UTRN: variants seen among roughly 807,000 people sequenced by gnomAD.
UTRN encodes the protein utrophin, also known as dystrophin-related protein 1.
Under a neutral mutation model 463.9 loss-of-function variants are expected in UTRN, and 283 were observed. The ratio of observed to expected loss-of-function variants is 0.61; its 90% CI spans 0.55 to 0.67. The LOEUF (loss-of-function observed/expected upper bound fraction) is 0.67, where lower values mean the gene tolerates loss of function less well. Among genes scored for constraint, UTRN ranks in the 30% least tolerant of loss-of-function variants. The pLI, the probability that UTRN is intolerant of heterozygous loss-of-function variation, is 0.00. For missense variants in UTRN, 3,922 were observed against 4,084.3 expected (o/e 0.96, Z 1.08); for synonymous variants, 1,442 against 1,431.5 (o/e 1.01, Z -0.17).
intron 2 of UTRN, among the ~76,000 whole-genome samples, chr6:144,396,469 T>C (rs1221831983): frequency 6.6e-6 from 1 of 152,224 alleles, no homozygotes; most frequent in Non-Finnish European, 1.5e-5. Context: ...TATAACACTG[T>C]AGGTGTAACT....
chr6:144,650,941 C>A (rs1283708344), intron 51 of UTRN, among the ~76,000 whole-genome samples: 1 of 151,774 alleles, frequency 6.6e-6, no homozygotes. Context: ...AATTACTGGT[C>A]ATTGATAAAT....
At chr6:144,448,569 A>G in intron 16 of UTRN, 31 bp from the exon 17 acceptor site, 1 of 1,606,298 alleles carries the variant, frequency 6.2e-7, no homozygotes, top group Non-Finnish European at 8.5e-7. Context: ...GCTGTTATAA[A>G]CATTGAAATT....
intron 2 of UTRN, among the ~76,000 whole-genome samples, chr6:144,346,922 G>A (rs893558609): frequency 1.8e-4 from 26 of 144,706 alleles, no homozygotes; most frequent in African/African-American, 7.1e-4. Flanking sequence ...TCTATCTATC[G>A]ATCTCTATCT....
intron 1 of UTRN, among the ~76,000 whole-genome samples, chr6:144,290,215 T>C (rs1804090271): frequency 6.6e-6 from 1 of 152,238 alleles, no homozygotes; most frequent in South Asian, 2.1e-4. Context: ...GATACAATAA[T>C]ATTGTCTAAT....
rs375425247 is a variant in UTRN, at chr6:144,551,024, A to G, written c.6870A>G (p.Ala2290=). Residue 2290 remains alanine, a synonymous_variant, in exon 48 of 75, where the codon GCA becomes GCG. Transcript: ENST00000367545. ...AGCTGGATTATGTTTTTACATTGGC[A>G]CAGAATTTGAAAAATAAAGCTTCCA... is the stretch of plus-strand genomic sequence containing the variant. ...HPQLDYVFTL[A]QNLKNKASSS... 6.8e-6 allele frequency: 11 copies of G among 1,612,404 alleles called. No individual in the cohort carries two copies. The highest frequency in any genetic ancestry group is 8.5e-6 in the Non-Finnish European group (10 of 1,179,600).
At position 144,406,323 on chromosome 6, in the gene UTRN, C is replaced by G. The variant is rs558531391; in HGVS notation, c.141+3139C>G. ...TTGGTTCTTCCATTCCATGCTCCACCTTCTCCATCTCCCTTTCCTTTTTTT... is the reference window on the plus strand; with the variant it reads ...TTGGTTCTTCCATTCCATGCTCCACGTTCTCCATCTCCCTTTCCTTTTTTT... On this transcript the variant is annotated intron_variant, in intron 3 of 74. Transcript: ENST00000367545. 2.0e-5 allele frequency among the ~76,000 whole-genome samples: 3 copies of G among 150,902 alleles called. No individual in the cohort carries two copies. The South Asian group carries it at 6.3e-4, about 32-fold the overall frequency.
rs376388997 is a variant in UTRN at position 144,437,721 on chromosome 6, G to A, written c.1216G>A (p.Val406Met). 1 of 1,613,892 alleles carries A rather than the reference G, an allele frequency of 6.2e-7. No individual in the cohort carries two copies. Among genetic ancestry groups the A allele is most frequent in the Non-Finnish European group, 8.5e-7 (1 of 1,179,892 alleles). The change falls in exon 11 of 75, where the codon GTG becomes ATG. Residue 406 changes from valine to methionine, a missense_variant. Physicochemically the swap from Val to Met is conservative, Grantham distance 21 (BLOSUM62 1). Coordinates refer to ENST00000367545, the MANE Select transcript of UTRN (RefSeq NM_007124.3). The stretch of plus-strand genomic sequence containing the variant: ...GAATGCTAGATGGGAGGCTCTTAGG[G>A]TGGAGAGTATGGACAGACAGTCCCG... Reference protein sequence around the residue: ...LLNARWEALRVESMDRQSRLH... With the variant: ...LLNARWEALRMESMDRQSRLH...
chr6:144,523,695 T>C (rs897869771), intron 41 of UTRN, among the ~76,000 whole-genome samples: 2 of 152,218 alleles, frequency 1.3e-5, no homozygotes, highest in East Asian at 3.8e-4. Flanking sequence ...TATAACATAA[T>C]ATCTTAATGA....
intron 2 of UTRN, chr6:144,398,537 G>A: frequency 3.8e-6 from 1 of 262,676 alleles, no homozygotes. Flanking sequence ...TGGATATCAG[G>A]ATCATTATCT....
chr6:144,820,987 C>A lies in UTRN; in HGVS notation c.9463C>A (p.Gln3155Lys). ...CCCTCGACTTGGTTACCTGCCTGTC[C>A]AGACAGTTCTTGAAGGTGACAACTT... ...KHPRLGYLPV[Q>K]TVLEGDNLET... Residue 3155 changes from glutamine (Q) to lysine (K), a missense_variant, in exon 66 of 75, where the codon CAG becomes AAG. Coordinates refer to ENST00000367545, the MANE Select transcript of UTRN (RefSeq NM_007124.3). The A allele has an allele frequency of 1.2e-6, 2 of 1,613,830 alleles. No individual in the cohort carries two copies. The highest frequency in any genetic ancestry group is 1.7e-6 in the Non-Finnish European group (2 of 1,179,840).
chr6:144,592,220 G>A (rs1261991955), intron 51 of UTRN, among the ~76,000 whole-genome samples: 1 of 151,932 alleles, frequency 6.6e-6, no homozygotes, highest in Non-Finnish European at 1.5e-5. Flanking sequence ...ACTATGGTTA[G>A]GTAACTAGGT....
At chr6:144,820,430 T>C (rs142415217) in intron 65 of UTRN, among the ~76,000 whole-genome samples, 2 of 152,288 alleles carry the variant, frequency 1.3e-5, no homozygotes, top group Non-Finnish European at 2.9e-5. Context: ...GGCTTGTGTG[T>C]AGCCAGCATC....
At chr6:144,819,810 A>G (rs926391536) in intron 65 of UTRN, among the ~76,000 whole-genome samples, 1 of 151,706 alleles carries the variant, frequency 6.6e-6, no homozygotes, top group Non-Finnish European at 1.5e-5. Flanking sequence ...AAGCAAATAT[A>G]CTTATCATTC....
chr6:144,803,277 A>G (rs911988138), intron 65 of UTRN, 130 bp downstream of exon 65: 7 of 486,484 alleles, frequency 1.4e-5, no homozygotes, highest in Non-Finnish European at 2.3e-5. Flanking sequence ...TTTTTCTTTT[A>G]AGTAAACTCA....
chr6:144,447,351 A>G, intron 15 of UTRN, 33 bp downstream of exon 15: 1 of 1,590,950 alleles, frequency 6.3e-7, no homozygotes, highest in South Asian at 1.1e-5. Context: ...TCTGTGTTGT[A>G]AGCCTATGAT....
At chr6:144,832,053 A>G (rs1157729113) in intron 69 of UTRN, among the ~76,000 whole-genome samples, 1 of 152,158 alleles carries the variant, frequency 6.6e-6, no homozygotes, top group Non-Finnish European at 1.5e-5. Flanking sequence ...ATTCCATCTA[A>G]TGATATTTCC....
At chr6:144,449,056 G>A (rs1787983097) in intron 17 of UTRN, among the ~76,000 whole-genome samples, 1 of 152,060 alleles carries the variant, frequency 6.6e-6, no homozygotes, top group Non-Finnish European at 1.5e-5. Context: ...ATTCTCCTTG[G>A]AAGGATATGA....
chr6:144,720,758 G>A (rs1787053797), intron 53 of UTRN, among the ~76,000 whole-genome samples: 1 of 152,004 alleles, frequency 6.6e-6, no homozygotes, highest in Non-Finnish European at 1.5e-5. Context: ...CAGCTCATGT[G>A]TGTTTGAGAA....
chr6:144,717,014 G>C (rs1166007321), intron 53 of UTRN, among the ~76,000 whole-genome samples: 1 of 152,184 alleles, frequency 6.6e-6, no homozygotes, highest in African/African-American at 2.4e-5. Flanking sequence ...ATTCCCAAAA[G>C]TGAAATTCCT....
Sources: allele counts gnomAD v4.1 joint callset (sites outside exome capture counted in the v4.1 genomes callset), GRCh38; gene constraint gnomAD v4.1.1; transcripts MANE v1.5; gene names NCBI Gene and HGNC (gene_info 2026-07-23, HGNC 2026-07-21).